The following AKR1B15 variants were observed in gnomAD, a reference collection of about 807,000 sequenced individuals.
AKR1B15 encodes estradiol 17-beta-dehydrogenase AKR1B15.
In AKR1B15, 49 loss-of-function variants were observed where a neutral mutation model predicts 38.5. The observed-to-expected ratio is 1.27, with a 90% CI of 1.01 to 1.62. The LOEUF is 1.62. Ranked by LOEUF, AKR1B15 falls within the 40% of genes most tolerant of loss-of-function variation. The pLI, the probability that AKR1B15 is intolerant of heterozygous loss-of-function variation, is 0.00. For synonymous variants in AKR1B15, 137 were observed against 135.5 expected (o/e 1.01, Z -0.08); for missense variants, 411 against 381.6 (o/e 1.08, Z -0.64).
intron 1 of AKR1B15, 115 bp from the exon 2 acceptor site, chr7:134,556,621 A>G (rs902783512): frequency 9.9e-5 from 15 of 152,138 alleles, no homozygotes; most frequent in African/African-American, 3.4e-4. Flanking sequence ...CGCTGCATCA[A>G]TGGGACTGAA....
At chr7:134,570,592 A>T (rs1349420039) in intron 5 of AKR1B15, 1 of 152,156 alleles carries the variant, frequency 6.6e-6, no homozygotes, top group Non-Finnish European at 1.5e-5. Flanking sequence ...CACTTAGGGA[A>T]ATAGAAAAGA....
chr7:134,562,189 G>A (rs1241458024), intron 2 of AKR1B15, among the ~76,000 whole-genome samples: 1 of 152,174 alleles, frequency 6.6e-6, no homozygotes, highest in Non-Finnish European at 1.5e-5. Flanking sequence ...CTGACTTCAA[G>A]ACTGGAGCAG....
rs902202988 is a variant in AKR1B15, at chr7:134,571,194, C to T, written c.436-410C>T. Among the ~76,000 whole-genome samples the T allele has an allele frequency of 5.9e-5, 9 of 152,208 alleles. No individual in the cohort carries two copies. The East Asian group carries it at 7.7e-4, about 13-fold the overall frequency. On this transcript the variant is annotated intron_variant, in intron 5 of 11. Transcript: ENST00000457545. ...TGATGGCCTGCCATCCCGAATTCCA[C>T]GCCTCTTCTAGAGGCTGCAAGGATA...
intron 6 of AKR1B15, among the ~76,000 whole-genome samples, chr7:134,573,937 T>C (rs1794712537): frequency 6.6e-6 from 1 of 152,190 alleles, no homozygotes; most frequent in Non-Finnish European, 1.5e-5. Flanking sequence ...TCTTGCTCTG[T>C]TGCCCAGAGT....
rs1243139174 is a variant in AKR1B15 at position 134,569,434 on chromosome 7, A to G, written c.340A>G (p.Arg114Gly). 21 of 1,613,924 alleles carry G rather than the reference A, an allele frequency of 1.3e-5. No individual in the cohort carries two copies. Among genetic ancestry groups the G allele is most frequent in the Non-Finnish European group, 1.5e-5 (18 of 1,179,966 alleles). The change falls in exon 5 of 12, where the codon AGA becomes GGA. Residue 114 changes from arginine (R) to glycine (G), a missense_variant. Arg to Gly is a moderately radical substitution (Grantham distance 125, BLOSUM62 -2). Coordinates refer to ENST00000457545, the MANE Select transcript of AKR1B15 (RefSeq NM_001080538.3). ...VSKVWPTFFE[R>G]PLVRKAFEKT... ...GCAGGTGTGGCCCACTTTCTTTGAG[A>G]GACCCCTTGTGAGGAAAGCCTTTGA...
chr7:134,565,648 T>G, intron 3 of AKR1B15: 1 of 1,536,120 alleles, frequency 6.5e-7, no homozygotes, highest in Non-Finnish European at 8.8e-7. Context: ...GGGTAGGGGT[T>G]TGGAGAGGTG....
intron 6 of AKR1B15, chr7:134,573,537 C>T (rs536528497): frequency 3.5e-5 from 34 of 985,286 alleles, no homozygotes; most frequent in Middle Eastern, 5.2e-4. Context: ...TGCTTGAATA[C>T]GTAAGCATTG....
At chr7:134,579,159 T>G (rs1344349545) in intron 11 of AKR1B15, among the ~76,000 whole-genome samples, 1 of 152,176 alleles carries the variant, frequency 6.6e-6, no homozygotes, top group Non-Finnish European at 1.5e-5. Flanking sequence ...CATTTAATAC[T>G]CATAACAATC....
At chr7:134,549,997 A>T (rs948567655) in intron 1 of AKR1B15, among the ~76,000 whole-genome samples, 2 of 152,092 alleles carry the variant, frequency 1.3e-5, no homozygotes, top group Admixed American at 1.3e-4. Flanking sequence ...GGTGTGGAAG[A>T]CATTCACCCG....
At chr7:134,558,670 C>T (rs1024979529) in intron 2 of AKR1B15, among the ~76,000 whole-genome samples, 2 of 152,176 alleles carry the variant, frequency 1.3e-5, no homozygotes, top group African/African-American at 4.8e-5. Flanking sequence ...ATCCGGACTG[C>T]CCCTTGGAAA....
chr7:134,552,138 C>T (rs1489912151), intron 1 of AKR1B15, among the ~76,000 whole-genome samples: 2 of 152,190 alleles, frequency 1.3e-5, no homozygotes, highest in East Asian at 3.9e-4. Flanking sequence ...GAGTAACCCA[C>T]TTGTTCCTCG....
At chr7:134,578,542 G>T (rs1425539271) in intron 11 of AKR1B15, among the ~76,000 whole-genome samples, 1 of 152,158 alleles carries the variant, frequency 6.6e-6, no homozygotes, top group Non-Finnish European at 1.5e-5. Flanking sequence ...GGCTAGGCGG[G>T]AATTCTACAT....
intron 2 of AKR1B15, among the ~76,000 whole-genome samples, chr7:134,561,589 TATC>T (rs1352294684): frequency 1.3e-5 from 2 of 152,210 alleles, no homozygotes; most frequent in African/African-American, 2.4e-5. Context: ...AGGTGCAAAA[TATC>T]ATGCCAATTG....
At chr7:134,566,100 A>C (rs1794527760) in intron 3 of AKR1B15, among the ~76,000 whole-genome samples, 1 of 152,180 alleles carries the variant, frequency 6.6e-6, no homozygotes, top group Non-Finnish European at 1.5e-5. Flanking sequence ...TGGAGACCAG[A>C]CTGGGCAACA....
chr7:134,558,522 T>C (rs11761040), intron 2 of AKR1B15, among the ~76,000 whole-genome samples: 3 of 152,162 alleles, frequency 2.0e-5, no homozygotes, highest in African/African-American at 4.8e-5. Context: ...TAGATATACA[T>C]TGGGAATACC....
intron 1 of AKR1B15, among the ~76,000 whole-genome samples, chr7:134,554,364 A>C (rs1023337711): frequency 6.6e-6 from 1 of 152,184 alleles, no homozygotes; most frequent in Non-Finnish European, 1.5e-5. Context: ...CAAGCTTCGG[A>C]TCTTCAAGCC....
chr7:134,576,704 ACT>A (rs1276764417), intron 9 of AKR1B15, among the ~76,000 whole-genome samples: 1 of 151,060 alleles, frequency 6.6e-6, no homozygotes, highest in Admixed American at 6.6e-5. Flanking sequence ...GCAGATGCCA[ACT>A]CTACCTCTGA....
chr7:134,560,556 A>G (rs1445326748), intron 2 of AKR1B15, among the ~76,000 whole-genome samples: 1 of 152,240 alleles, frequency 6.6e-6, no homozygotes. Flanking sequence ...TATCTAAAAA[A>G]GATATCCCTC....
chr7:134,578,234 AG>A (rs1224726571), intron 11 of AKR1B15, among the ~76,000 whole-genome samples: 3 of 152,222 alleles, frequency 2.0e-5, no homozygotes, highest in Non-Finnish European at 4.4e-5. Context: ...TAGACAGAAA[AG>A]TAAAGTAGGG....
Sources: gnomAD v4.1 joint callset for allele counts (sites outside exome capture counted in the v4.1 genomes callset) on GRCh38, gnomAD v4.1.1 for gene constraint, MANE v1.5 for transcripts, NCBI Gene and HGNC (gene_info 2026-07-23, HGNC 2026-07-21) for gene names.